ADCY10: variants seen among roughly 807,000 people sequenced by gnomAD.
ADCY10 encodes adenylate cyclase type 10.
ADCY10 carries 156 observed loss-of-function variants against 183.3 expected under a neutral mutation model. The observed-to-expected ratio is 0.85, with a 90% confidence interval of 0.75 to 0.97. The LOEUF is 0.97. Among genes scored for constraint, ADCY10 ranks in the 50% least tolerant of loss-of-function variants. The pLI is 0.00. For missense variants in ADCY10, 1,745 were observed against 1,934.3 expected, an observed-to-expected ratio of 0.90 and a Z score of 1.84; for synonymous variants, 645 against 670.0, an observed-to-expected ratio of 0.96 and a Z score of 0.58.
chr1:167,869,455 G>C (rs1230255962), intron 14 of ADCY10, among the ~76,000 whole-genome samples: 6 of 152,110 alleles, frequency 3.9e-5, no homozygotes, highest in Non-Finnish European at 5.9e-5. Context: ...CTCTCATATT[G>C]TTTTATATTG....
chr1:167,811,023 A>G lies in ADCY10; in HGVS notation c.4483-110T>C. On this transcript the variant is annotated intron_variant, in intron 31 of 32. Transcript: ENST00000367851. Reference sequence around the variant, plus strand: ...AACATTTCAAGGATTTAAGCAATCAAGTGAGAAAATACATTATAGAGACAT... The same window carrying G: ...AACATTTCAAGGATTTAAGCAATCAGGTGAGAAAATACATTATAGAGACAT... 4 of 1,049,214 alleles carry G rather than the reference A, an allele frequency of 3.8e-6. No homozygotes were observed. In the South Asian group the frequency reaches 5.5e-5, roughly 15 times the overall value. 65.0% of individuals were successfully genotyped at this position (1,049,214 alleles called of 1,614,324 possible).
At chr1:167,842,012 A>G (rs1342597034) in intron 21 of ADCY10, among the ~76,000 whole-genome samples, 2 of 152,244 alleles carry the variant, frequency 1.3e-5, no homozygotes, top group Non-Finnish European at 2.9e-5. Context: ...GACAGCCCCC[A>G]GGAGGGTAAA....
chr1:167,833,522 G>T (rs1663939584), intron 24 of ADCY10, among the ~76,000 whole-genome samples: 2 of 152,116 alleles, frequency 1.3e-5, no homozygotes, highest in South Asian at 2.1e-4. Flanking sequence ...AGGGCGGGCG[G>T]ATCACTTGAG....
rs543635421 is a variant in ADCY10, at chr1:167,910,329, C to T, written c.-59+3647G>A. 5.3e-5 allele frequency among the ~76,000 whole-genome samples: 8 copies of T among 152,308 alleles called. No homozygotes were observed. In the South Asian group the frequency reaches 1.7e-3, roughly 32 times the overall value. On this transcript the variant is annotated intron_variant, in intron 1 of 32. Coordinates refer to ENST00000367851, the MANE Select transcript of ADCY10 (RefSeq NM_018417.6). ...AATCCAGAGGACTGAAGTTCATTGACCTCTTTAAAATTCATTGACTCTGGA... is the reference window on the plus strand; with the variant it reads ...AATCCAGAGGACTGAAGTTCATTGATCTCTTTAAAATTCATTGACTCTGGA...
chr1:167,810,260 G>C (rs1175203089), intron 32 of ADCY10, among the ~76,000 whole-genome samples: 1 of 152,164 alleles, frequency 6.6e-6, no homozygotes, highest in Non-Finnish European at 1.5e-5. Flanking sequence ...TCACAATCCT[G>C]AACTATGGAC....
chr1:167,813,037 T>C (rs921877753), intron 31 of ADCY10, among the ~76,000 whole-genome samples: 19 of 151,850 alleles, frequency 1.3e-4, no homozygotes, highest in African/African-American at 3.9e-4. Flanking sequence ...AATAAATGCA[T>C]TGTGGAAGTC....
intron 15 of ADCY10, 62 bp downstream of exon 15, chr1:167,860,809 A>C (rs1003871636): frequency 5.8e-6 from 8 of 1,376,176 alleles, no homozygotes; most frequent in Middle Eastern, 3.5e-4. Context: ...ACAATGCACC[A>C]GAGAGGAGTT....
chr1:167,834,973 G>A (rs527614086), intron 23 of ADCY10, among the ~76,000 whole-genome samples: 1 of 152,350 alleles, frequency 6.6e-6, no homozygotes, highest in East Asian at 1.9e-4. Context: ...ATATGCAGGA[G>A]ACTTTCATTC....
intron 8 of ADCY10, among the ~76,000 whole-genome samples, 153 bp downstream of exon 8, chr1:167,893,695 CAAAAA>C (rs748872658): frequency 0.015 from 1,019 of 70,174 alleles, 11 homozygotes; most frequent in African/African-American, 0.048. Flanking sequence ...GACTCTGTCT[CAAAAA>C]AAAAAAAAAA....
At chr1:167,903,623 T>C (rs930740824) in intron 3 of ADCY10, among the ~76,000 whole-genome samples, 5 of 152,194 alleles carry the variant, frequency 3.3e-5, no homozygotes, top group Admixed American at 6.5e-5. Context: ...GTATTACTAC[T>C]ACAGTTCTTT....
intron 25 of ADCY10, 152 bp downstream of exon 25, chr1:167,832,835 C>T: frequency 2.6e-6 from 2 of 771,842 alleles, no homozygotes; most frequent in Non-Finnish European, 4.2e-6. Context: ...GGAGCACCTC[C>T]CACACTCGCC....
chr1:167,866,898 G>A (rs1666738596), intron 14 of ADCY10, among the ~76,000 whole-genome samples: 1 of 152,148 alleles, frequency 6.6e-6, no homozygotes, highest in East Asian at 1.9e-4. Context: ...CCATATCTAA[G>A]GGCCCTGGCA....
Position 167,893,898 on chromosome 1 carries a change from C to T in ADCY10, c.783G>A (p.Leu261=). The change falls in exon 8 of 33, where the codon CTG becomes CTA. Residue 261 remains leucine, a synonymous_variant. Coordinates refer to ENST00000367851, the MANE Select transcript of ADCY10 (RefSeq NM_018417.6). The part of the protein sequence containing the change: ...LACTLKPDPE[L]EMSLQKYVME... ...TCACATACTTTTGTAGGGACATCTC[C>T]AGTTCAGGATCAGGCTTCAGCGTGC... is the stretch of plus-strand genomic sequence containing the variant. 2.5e-6 allele frequency: 4 copies of T among 1,613,606 alleles called. No individual in the cohort carries two copies. Among genetic ancestry groups the T allele is most frequent in the Non-Finnish European group, 3.4e-6 (4 of 1,179,754 alleles).
Position 167,851,329 on chromosome 1 carries a change from G to A in ADCY10, c.2309-2840C>T, listed in dbSNP as rs193010703. On this transcript the variant is annotated intron_variant, in intron 18 of 32. Coordinates refer to ENST00000367851, the MANE Select transcript of ADCY10 (RefSeq NM_018417.6). ...AGCCTCCCAGGTAGCTGGGACTACA[G>A]GCGTGCGACACCACACCCGGCTAAT... is the stretch of plus-strand genomic sequence containing the variant. Among the ~76,000 whole-genome samples, 4 of 152,158 alleles carry A rather than the reference G, an allele frequency of 2.6e-5. No individual in the cohort carries two copies. In the East Asian group the frequency reaches 5.8e-4, roughly 22 times the overall value.
At chr1:167,901,603 C>T in intron 5 of ADCY10, 59 bp downstream of exon 5, 1 of 1,541,800 alleles carries the variant, frequency 6.5e-7, no homozygotes, top group Non-Finnish European at 9.0e-7. Flanking sequence ...AGAGAGATGC[C>T]CCAGGAGTCA....
At chr1:167,898,586 G>A (rs1162635950) in intron 6 of ADCY10, among the ~76,000 whole-genome samples, 4 of 116,002 alleles carry the variant, frequency 3.4e-5, no homozygotes, top group Admixed American at 2.1e-4. Context: ...TCAACAGAGC[G>A]AGACTCCGTT....
intron 19 of ADCY10, 125 bp downstream of exon 19, chr1:167,848,236 A>T: frequency 1.4e-6 from 1 of 718,940 alleles, no homozygotes; most frequent in African/African-American, 1.8e-5. Flanking sequence ...TTTTTAGTAG[A>T]TACGGGGTTT....
chr1:167,836,897 C>T (rs983257736), intron 22 of ADCY10, among the ~76,000 whole-genome samples: 9 of 152,076 alleles, frequency 5.9e-5, no homozygotes, highest in East Asian at 1.9e-4. Context: ...TGGTGGCAGG[C>T]GCCTGTAGTC....
intron 25 of ADCY10, among the ~76,000 whole-genome samples, chr1:167,831,601 A>G (rs1297042510): frequency 6.6e-6 from 1 of 152,186 alleles, no homozygotes; most frequent in Admixed American, 6.5e-5. Context: ...TGACCTGTGG[A>G]TATTTTAAGC....
Sources: allele counts gnomAD v4.1 joint callset (sites outside exome capture counted in the v4.1 genomes callset), GRCh38; gene constraint gnomAD v4.1.1; transcripts MANE v1.5; gene names NCBI Gene and HGNC (gene_info 2026-07-23, HGNC 2026-07-21).